SMTN: variants seen among roughly 807,000 people sequenced by gnomAD.
SMTN encodes the protein smoothelin.
A neutral mutation model predicts 102.0 loss-of-function variants in SMTN; 58 were observed. The observed-to-expected ratio is 0.57, with a 90% confidence interval of 0.46 to 0.71. SMTN has a LOEUF of 0.71. SMTN is among the 30% of genes least tolerant of loss of function. SMTN has a pLI of 0.00. For synonymous variants in SMTN, 478 were observed against 497.9 expected, an observed-to-expected ratio of 0.96 and a Z score of 0.53; for missense variants, 1,185 against 1,241.7, an observed-to-expected ratio of 0.95 and a Z score of 0.69.
At chr22:31,066,196 G>A (rs529186339) in intron 1 of SMTN, 2 of 152,314 alleles carry the variant, frequency 1.3e-5, no homozygotes, top group South Asian at 4.1e-4. Context: ...TGTTGGGCAG[G>A]AGAACCTTCC....
At chr22:31,092,448 A>C in intron 11 of SMTN, 1 of 471,160 alleles carries the variant, frequency 2.1e-6, no homozygotes, top group Non-Finnish European at 4.4e-6. Flanking sequence ...GCACCCTTCC[A>C]TTATTCATTC....
rs753539101 is a variant in SMTN at position 31,085,189 on chromosome 22, T to C, written c.51+1880T>C. On this transcript the variant is annotated intron_variant, in intron 2 of 20. Transcript: ENST00000333137. ...TCGACCTCCGCCACTCAGCTGGGTG[T>C]CCTGGGGACCTTGGTTTCTTCCCTT... is the stretch of plus-strand genomic sequence containing the variant. The C allele has an allele frequency of 4.3e-5, 66 of 1,535,458 alleles. No individual in the cohort carries two copies. The African/African-American group carries it at 8.1e-4, about 19-fold the overall frequency.
intron 20 of SMTN, chr22:31,101,752 C>G (rs1334410668): frequency 6.9e-6 from 1 of 145,758 alleles, no homozygotes; most frequent in African/African-American, 2.6e-5. Flanking sequence ...CCACTGCACT[C>G]CAGCCTGGGT....
upstream of SMTN, among the ~76,000 whole-genome samples, chr22:31,079,815 G>A (rs927796698): frequency 6.6e-6 from 1 of 152,128 alleles, no homozygotes; most frequent in African/African-American, 2.4e-5. Context: ...TTAGGCTGGA[G>A]TGCAGTGGCA....
At chr22:31,085,325 G>A in intron 2 of SMTN, 1 of 1,472,442 alleles carries the variant, frequency 6.8e-7, no homozygotes, top group Non-Finnish European at 9.0e-7. Context: ...CTGCGAGGGA[G>A]GGCGGTCGCA....
intron 2 of SMTN, among the ~76,000 whole-genome samples, chr22:31,086,735 A>AG (rs1372627808): frequency 6.6e-6 from 1 of 152,208 alleles, no homozygotes; most frequent in Non-Finnish European, 1.5e-5. Flanking sequence ...CCTGAGTTTC[A>AG]GGGGGTCTTC....
Position 31,091,021 on chromosome 22 carries a change from G to A in SMTN, c.998G>A (p.Arg333His), listed in dbSNP as rs369158847. 69 of 1,613,874 alleles carry A rather than the reference G, an allele frequency of 4.3e-5. No individual in the cohort carries two copies. Among genetic ancestry groups the A allele is most frequent in the Non-Finnish European group, 5.3e-5 (63 of 1,179,976 alleles). The stretch of plus-strand genomic sequence containing the variant: ...CAGCGGGCTGGCTCTGTGCGGGATC[G>A]TGTCCACAAGTTCACATCTGATTCT... ...SFQRAGSVRDRVHKFTSDSPM... is the reference protein window; with the variant it reads ...SFQRAGSVRDHVHKFTSDSPM... The change falls in exon 10 of 21, where the codon CGT becomes CAT. Residue 333 changes from arginine (R) to histidine (H), a missense_variant. Around this residue, in one of 2 missense-constraint regions of SMTN, gnomAD observed 1,096 missense variants for 1,112.7 expected, o/e 0.98. Transcript: ENST00000333137.
chr22:31,083,013 C>T (rs2042413067), intron 1 of SMTN, 166 bp from the exon 2 acceptor site: 13 of 1,421,090 alleles, frequency 9.1e-6, no homozygotes, highest in Non-Finnish European at 1.3e-5. Flanking sequence ...GTGAGTTTTC[C>T]AGCAAACCAC....
chr22:31,079,537 A>G (rs2042212979), upstream of SMTN, among the ~76,000 whole-genome samples: 1 of 152,250 alleles, frequency 6.6e-6, no homozygotes, highest in African/African-American at 2.4e-5. Context: ...TGAAAATCAG[A>G]GGTGGCCTAG....
intron 2 of SMTN, chr22:31,084,954 A>G (rs1478966857): frequency 1.7e-5 from 24 of 1,400,734 alleles, no homozygotes; most frequent in Admixed American, 3.0e-5. Context: ...GGGCCGGGCC[A>G]TATAAGGAAA....
intron 20 of SMTN, chr22:31,102,125 A>C (rs2044141833): frequency 6.6e-6 from 1 of 152,222 alleles, no homozygotes. Context: ...TCTGGATCCT[A>C]AGCCAGCTGT....
chr22:31,079,218 C>A (rs771225226), upstream of SMTN, among the ~76,000 whole-genome samples: 6 of 152,182 alleles, frequency 3.9e-5, no homozygotes, highest in Non-Finnish European at 7.3e-5. Context: ...TAGCTGTAAA[C>A]TTCCCTAGCA....
Position 31,095,866 on chromosome 22 carries a change from T to C in SMTN, c.1861+257T>C. ...CTCCTTCCTAGACCCAGATACTCCCTCCCGCAGCTACTCTCTCCTTGGATC... is the reference window on the plus strand; with the variant it reads ...CTCCTTCCTAGACCCAGATACTCCCCCCCGCAGCTACTCTCTCCTTGGATC... On this transcript the variant is annotated intron_variant, in intron 13 of 20. Transcript: ENST00000333137. This position sits in a 1 kb window ranked among gnomAD's most constrained non-coding sequence, Gnocchi z 4.1. 1 of 529,840 alleles carries C rather than the reference T, an allele frequency of 1.9e-6. No individual in the cohort carries two copies. The highest frequency in any genetic ancestry group is 3.4e-6 in the Non-Finnish European group (1 of 297,400). The allele number at this position is 529,840 out of a possible 1,614,324, so 32.8% of individuals were successfully genotyped here. A position where few individuals can be genotyped will look rare whatever the true frequency, so the allele number is the denominator to read the frequency against.
chr22:31,095,370 G>T lies in SMTN; in HGVS notation c.1700G>T (p.Arg567Leu). ...VEAANGAEQT[R>L]VNKAPEGRSP... ...GCGGCCAATGGGGCTGAGCAGACCC[G>T]AGTGAACAAAGCACCAGAAGGGCGG... is the stretch of plus-strand genomic sequence containing the variant. The change falls in exon 12 of 21, where the codon CGA becomes CTA. Residue 567 changes from arginine to leucine, a missense_variant. Physicochemically the swap from Arg to Leu is moderately radical, Grantham distance 102 (BLOSUM62 -2). Transcript: ENST00000333137. This position sits in a 1 kb window ranked among gnomAD's most constrained non-coding sequence, Gnocchi z 4.1. 6.2e-7 allele frequency: 1 copy of T among 1,614,212 alleles called. No individual in the cohort carries two copies.
rs757282740 is a variant in SMTN at position 31,083,247 on chromosome 22, G to C, written c.-12G>C. The C allele has an allele frequency of 8.1e-6, 13 of 1,598,424 alleles. No individual in the cohort carries two copies. On this transcript the variant is annotated 5_prime_UTR_variant, in exon 2 of 21. Coordinates refer to ENST00000333137, the MANE Select transcript of SMTN (RefSeq NM_134269.3). Reference sequence around the variant, plus strand: ...CACCAGAAAGGAACCGACGGAGCTAGGGGCCAGCGAGATGGCGGACGAGGC... The same window carrying C: ...CACCAGAAAGGAACCGACGGAGCTACGGGCCAGCGAGATGGCGGACGAGGC...
chr22:31,082,155 T>TGG (rs139218624), intron 1 of SMTN: 1 of 184,872 alleles, frequency 5.4e-6, no homozygotes, highest in African/African-American at 2.4e-5. Flanking sequence ...CAACAGGAGG[T>TGG]GGGGGGCAGG....
intron 15 of SMTN, 40 bp from the exon 16 acceptor site, chr22:31,097,229 G>A (rs756815531): frequency 1.3e-5 from 21 of 1,605,304 alleles, no homozygotes; most frequent in Non-Finnish European, 1.7e-5. Flanking sequence ...CTGATGTCCA[G>A]CCCAGGCCCT....
chr22:31,090,581 G>A (rs937139107), intron 8 of SMTN, among the ~76,000 whole-genome samples: 13 of 152,056 alleles, frequency 8.5e-5, no homozygotes, highest in African/African-American at 2.7e-4. Flanking sequence ...TCATCCTAGG[G>A]TCAGTGTGGC....
rs370714746 is a variant in SMTN, at chr22:31,091,161, G to A, written c.1138G>A (p.Gly380Ser). The A allele has an allele frequency of 2.4e-5, 39 of 1,613,564 alleles. No homozygotes were observed. The highest frequency in any genetic ancestry group is 4.0e-5 in the African/African-American group (3 of 74,894). Residue 380 changes from glycine to serine, a missense_variant, in exon 10 of 21, where the codon GGC becomes AGC. Physicochemically the swap from Gly to Ser is moderately conservative, Grantham distance 56. Transcript: ENST00000333137. ...CACCACCCCTGCCTCCTCCTCCAGC[G>A]GCTCCTCCTCTCGGGGCCCCAGTGA... is the stretch of plus-strand genomic sequence containing the variant. ...TSTTPASSSS[G>S]SSSRGPSDTS... is the part of the protein sequence containing the mutation.
Sources: allele counts gnomAD v4.1 joint callset (sites outside exome capture counted in the v4.1 genomes callset), GRCh38; gene constraint gnomAD v4.1.1; regional missense constraint gnomAD v4.1.1; non-coding constraint Gnocchi (gnomAD v3.1); transcripts MANE v1.5; gene names NCBI Gene and HGNC (gene_info 2026-07-23, HGNC 2026-07-21).